Variants in TECTA observed in about 807,000 individuals in gnomAD.
TECTA encodes tectorin alpha, also known as alpha-tectorin.
A neutral mutation model predicts 216.8 loss-of-function variants in TECTA; 128 were observed. That is an observed-to-expected ratio of 0.59 (90% CI 0.51 to 0.68). TECTA has a LOEUF of 0.68. Ranked by LOEUF, TECTA falls within the 30% of genes least tolerant of loss-of-function variation. The pLI, the probability that TECTA is intolerant of heterozygous loss-of-function variation, is 0.00. For missense variants in TECTA, 2,551 were observed against 2,786.2 expected, an observed-to-expected ratio of 0.92 and a Z score of 1.90; for synonymous variants, 1,089 against 1,117.1, an observed-to-expected ratio of 0.97 and a Z score of 0.50.
intron 20 of TECTA, among the ~76,000 whole-genome samples, chr11:121,171,863 C>G (rs552357292): frequency 6.6e-6 from 1 of 152,108 alleles, no homozygotes; most frequent in Non-Finnish European, 1.5e-5. Context: ...TGCAAAGGGA[C>G]AGTTTGACTT....
rs1046906157 is a variant in TECTA, at chr11:121,113,383, A to G, written c.625-170A>G. ...CCATGTTTGGCACCCTGACTCGGCTATGAAATGAACTAGGCAGTCCTTTCT... is the reference window on the plus strand; with the variant it reads ...CCATGTTTGGCACCCTGACTCGGCTGTGAAATGAACTAGGCAGTCCTTTCT... On this transcript the variant is annotated intron_variant, in intron 5 of 23. Coordinates refer to ENST00000392793, the MANE Select transcript of TECTA (RefSeq NM_005422.4). This position sits in a 1 kb window ranked among gnomAD's most constrained non-coding sequence, Gnocchi z 4.2. Among the ~76,000 whole-genome samples the G allele has an allele frequency of 6.6e-6, 1 of 152,162 alleles. No individual in the cohort carries two copies. The highest frequency in any genetic ancestry group is 2.4e-5 in the African/African-American group (1 of 41,436).
At chr11:121,131,326 G>T (rs1367061519) in intron 10 of TECTA, among the ~76,000 whole-genome samples, 2 of 151,282 alleles carry the variant, frequency 1.3e-5, no homozygotes, top group Non-Finnish European at 2.9e-5. Context: ...TTACAGAAAA[G>T]TTGCAGGAAT....
Position 121,113,152 on chromosome 11 carries a change from C to G in TECTA, c.567C>G (p.Thr189=), listed in dbSNP as rs760328066. ...TCAATTATTACGAAATCAACTGGAC[C>G]ACGGGGACGGCGAGTGGCGGCGACC... ...TLFNYYEINW[T]TGTASGGDPL... The change falls in exon 5 of 24, where the codon ACC becomes ACG. Residue 189 remains threonine (T), a synonymous_variant. Transcript: ENST00000392793. This position sits in a 1 kb window ranked among gnomAD's most constrained non-coding sequence, Gnocchi z 4.2. The G allele has an allele frequency of 1.7e-5, 27 of 1,613,938 alleles. No homozygotes were observed. The highest frequency in any genetic ancestry group is 2.2e-5 in the South Asian group (2 of 91,062).
chr11:121,127,991 A>G lies in TECTA; in HGVS notation c.2014A>G (p.Thr672Ala), dbSNP rs1946630829. The G allele has an allele frequency of 6.2e-7, 1 of 1,613,964 alleles. No individual in the cohort carries two copies. The highest frequency in any genetic ancestry group is 1.3e-5 in the African/African-American group (1 of 74,936). Residue 672 changes from threonine to alanine, a missense_variant, in exon 9 of 24, where the codon ACT becomes GCT. Transcript: ENST00000392793. This position sits in a 1 kb window ranked among gnomAD's most constrained non-coding sequence, Gnocchi z 5.0. ...GEFFWATANC[T>A]VQCLCEEGGD... is the part of the protein sequence containing the mutation. ...GTTCTTCTGGGCCACGGCCAACTGC[A>G]CTGTGCAATGCCTGTGCGAGGAGGG... is the stretch of plus-strand genomic sequence containing the variant.
Position 121,158,902 on chromosome 11 carries a change from C to T in TECTA, c.4689+678C>T, listed in dbSNP as rs924932156. On this transcript the variant is annotated intron_variant, in intron 14 of 23. Coordinates refer to ENST00000392793, the MANE Select transcript of TECTA (RefSeq NM_005422.4). Reference sequence around the variant, plus strand: ...CTCTCCGACTTGAATTCCTCCCACCCCTTCCATTTAAGAAGAGCATCTGCT... The same window carrying T: ...CTCTCCGACTTGAATTCCTCCCACCTCTTCCATTTAAGAAGAGCATCTGCT... Among the ~76,000 whole-genome samples the T allele has an allele frequency of 4.6e-5, 7 of 152,202 alleles. No homozygotes were observed. In the East Asian group the frequency reaches 7.7e-4, roughly 17 times the overall value.
intron 7 of TECTA, among the ~76,000 whole-genome samples, 200 bp downstream of exon 7, chr11:121,118,918 C>G (rs1946528188): frequency 6.6e-6 from 1 of 152,064 alleles, no homozygotes; most frequent in African/African-American, 2.4e-5. Flanking sequence ...ATCCTAAGCT[C>G]TCTCCTCAAC....
At position 121,177,634 on chromosome 11, in the gene TECTA, C is replaced by T. The variant is rs1406597914; in HGVS notation, c.5999+8709C>T. On this transcript the variant is annotated intron_variant, in intron 20 of 23. Transcript: ENST00000392793. The stretch of plus-strand genomic sequence containing the variant: ...CTGCTCGGGGGTCAGGGGTCAGGGA[C>T]CCACTTGAGGAGGCAGTCTGCCTGT... Among the ~76,000 whole-genome samples, 4 of 152,332 alleles carry T rather than the reference C, an allele frequency of 2.6e-5. No individual in the cohort carries two copies. The East Asian group carries it at 7.7e-4, about 29-fold the overall frequency.
chr11:121,141,809 A>G (rs1317607641), intron 11 of TECTA, among the ~76,000 whole-genome samples: 1 of 152,246 alleles, frequency 6.6e-6, no homozygotes, highest in Non-Finnish European at 1.5e-5. Context: ...TCCTCGGGGT[A>G]GAAAAATGAA....
Position 121,137,942 on chromosome 11 carries a change from G to A in TECTA, c.3463G>A (p.Ala1155Thr). The A allele has an allele frequency of 6.2e-7, 1 of 1,611,176 alleles. No individual in the cohort carries two copies. Among genetic ancestry groups the A allele is most frequent in the Non-Finnish European group, 8.5e-7 (1 of 1,177,606 alleles). ...GAATGAGGACCGGGACCCGTCACTG[G>A]CCTTGTGGGTTAAGCAGGTGGACGT... The part of the protein sequence containing the change: ...AKNEDRDPSL[A>T]LWVKQVDVTV... Residue 1155 changes from alanine (A) to threonine (T), a missense_variant, in exon 11 of 24, where the codon GCC becomes ACC. This residue lies in a region of TECTA where 2,375 missense variants were observed against 2,563.9 expected (regional missense o/e 0.93). Transcript: ENST00000392793.
At chr11:121,182,255 T>C (rs1219295883) in intron 20 of TECTA, among the ~76,000 whole-genome samples, 1 of 151,512 alleles carries the variant, frequency 6.6e-6, no homozygotes, top group Non-Finnish European at 1.5e-5. Context: ...CTAAGTGGTG[T>C]GTGTGGCATC....
At chr11:121,120,861 A>G (rs962435178) in intron 7 of TECTA, among the ~76,000 whole-genome samples, 10 of 152,224 alleles carry the variant, frequency 6.6e-5, no homozygotes, top group Non-Finnish European at 1.5e-4. Flanking sequence ...CATGGCGATG[A>G]GCAGCTTGGA....
intron 7 of TECTA, among the ~76,000 whole-genome samples, chr11:121,120,599 G>A (rs556248665): frequency 6.6e-6 from 1 of 152,292 alleles, no homozygotes; most frequent in South Asian, 2.1e-4. Flanking sequence ...CCCTTCTCCA[G>A]CACTGTCTCC....
In TECTA at chr11:121,105,682, C is replaced by T; in HGVS notation, c.65-149C>T. On this transcript the variant is annotated intron_variant, in intron 2 of 23. Coordinates refer to ENST00000392793, the MANE Select transcript of TECTA (RefSeq NM_005422.4). The surrounding 1 kb of genome is among the most constrained non-coding windows in gnomAD (Gnocchi z 5.3). ...CAGAAGATACTGCGCTGTGTATGGCCTAGGTTTAGGATGAATGACAGGGCA... is the reference window on the plus strand; with the variant it reads ...CAGAAGATACTGCGCTGTGTATGGCTTAGGTTTAGGATGAATGACAGGGCA... The T allele has an allele frequency of 9.9e-7, 1 of 1,008,264 alleles. No homozygotes were observed. Among genetic ancestry groups the T allele is most frequent in the East Asian group, 2.6e-5 (1 of 38,608 alleles). 62.5% of individuals were successfully genotyped at this position (1,008,264 alleles called of 1,614,324 possible).
chr11:121,176,237 T>C, intron 20 of TECTA, among the ~76,000 whole-genome samples: 2 of 151,432 alleles, frequency 1.3e-5, no homozygotes, highest in African/African-American at 4.9e-5. Flanking sequence ...ATTATGATGT[T>C]AGCTGGTTAT....
intron 4 of TECTA, chr11:121,109,968 C>T (rs939314417): frequency 1.1e-4 from 21 of 184,634 alleles, no homozygotes; most frequent in South Asian, 2.3e-4. Flanking sequence ...AAGTTTGGGC[C>T]CAAATGATCT....
intron 20 of TECTA, among the ~76,000 whole-genome samples, chr11:121,181,594 T>A (rs1386072697): frequency 6.6e-6 from 1 of 152,060 alleles, no homozygotes; most frequent in Non-Finnish European, 1.5e-5. Flanking sequence ...CTCAGCCTCC[T>A]GAGTAGCTGG....
chr11:121,134,902 G>T (rs1366096455), intron 10 of TECTA, among the ~76,000 whole-genome samples: 2 of 152,168 alleles, frequency 1.3e-5, no homozygotes, highest in Non-Finnish European at 2.9e-5. Context: ...ACTGAGAAAA[G>T]CTTCTCACTA....
rs1947300967 is a variant in TECTA at position 121,187,692 on chromosome 11, AG to A, written c.6000-136del. ...AATAAATGACAAGCCCATGCAGTCCAGGGGTCACTTTCAAATGTAAAGGCAT... is the reference window on the plus strand; with the variant it reads ...AATAAATGACAAGCCCATGCAGTCCAGGGTCACTTTCAAATGTAAAGGCAT... On this transcript the variant is annotated intron_variant, in intron 20 of 23. Transcript: ENST00000392793. 6 of 869,456 alleles carry A rather than the reference AG, an allele frequency of 6.9e-6. No homozygotes were observed. The East Asian group carries it at 1.0e-4, about 15-fold the overall frequency. 53.9% of individuals were successfully genotyped at this position (869,456 alleles called of 1,614,324 possible).
At chr11:121,133,516 G>A (rs1031878480) in intron 10 of TECTA, among the ~76,000 whole-genome samples, 5 of 152,134 alleles carry the variant, frequency 3.3e-5, no homozygotes, top group African/African-American at 4.8e-5. Context: ...TTTCATTGTC[G>A]TGTCTCTTTA....
Sources: allele counts gnomAD v4.1 joint callset (sites outside exome capture counted in the v4.1 genomes callset), GRCh38; gene constraint gnomAD v4.1.1; regional missense constraint gnomAD v4.1.1; non-coding constraint Gnocchi (gnomAD v3.1); transcripts MANE v1.5; gene names NCBI Gene and HGNC (gene_info 2026-07-23, HGNC 2026-07-21).